Variants in IQSEC2 observed in about 807,000 individuals in gnomAD.
IQSEC2 encodes IQ motif and Sec7 domain ArfGEF 2, also known as IQ motif and SEC7 domain-containing protein 2.
In IQSEC2, 6 loss-of-function variants were observed where a neutral mutation model predicts 74.6. The ratio of observed to expected loss-of-function variants is 0.08; its 90% confidence interval spans 0.04 to 0.16. The LOEUF (loss-of-function observed/expected upper bound fraction) is 0.16, where lower values mean the gene tolerates loss of function less well. Among genes scored for constraint, IQSEC2 ranks in the 10% least tolerant of loss-of-function variants. IQSEC2 has a pLI of 1.00. For missense variants in IQSEC2, 734 were observed against 1,306.2 expected (o/e 0.56, Z 6.75); for synonymous variants, 494 against 544.5 (o/e 0.91, Z 1.29).
chrX:53,292,956 G>C (rs1206525627), intron 1 of IQSEC2, among the ~76,000 whole-genome samples: 2 of 111,756 alleles, frequency 1.8e-5, no homozygotes, highest in African/African-American at 6.5e-5. Context: ...CTTCACCTCA[G>C]GCCTCCCACC....
chrX:53,321,102 G>A lies in IQSEC2; in HGVS notation c.22C>T (p.Pro8Ser). The change falls in exon 1 of 15, where the codon CCG (proline) becomes TCG (serine). Residue 8 changes from proline (P) to serine (S), a missense_variant. Pro to Ser is a moderately conservative substitution (Grantham distance 74). Coordinates refer to ENST00000642864, the MANE Select transcript of IQSEC2 (RefSeq NM_001111125.3). ...GGGCTCTCGGATCCCGGGCCGCCCG[G>A]GGGCCCCGACCCCGCCTCCATCCTG... MEAGSGP[P>S]GGPGSESPNR... 1.7e-6 allele frequency: 2 copies of A among 1,148,680 alleles called. No individual in the cohort carries two copies. Among genetic ancestry groups the A allele is most frequent in the South Asian group, 3.8e-5 (2 of 52,446 alleles). 94.7% of individuals were successfully genotyped at this position (1,148,680 alleles called of 1,213,427 possible).
In IQSEC2 at chrX:53,235,203, G is replaced by T. The variant is rs782166410; in HGVS notation, c.3502-19C>A. On this transcript the variant is annotated intron_variant, in intron 14 of 14. Coordinates refer to ENST00000642864, the MANE Select transcript of IQSEC2 (RefSeq NM_001111125.3). ...CAGACCCCTGGAAGCGGGGAGGGGG[G>T]AAGTCAGGCCAGGCTAGATGCCCTA... 6.0e-6 allele frequency: 7 copies of T among 1,164,608 alleles called. No individual in the cohort carries two copies. The highest frequency in any genetic ancestry group is 1.1e-6 in the Non-Finnish European group (1 of 872,007).
intron 7 of IQSEC2, 145 bp downstream of exon 7, chrX:53,247,969 C>A: frequency 1.3e-6 from 1 of 744,341 alleles, no homozygotes; most frequent in South Asian, 2.5e-5. Flanking sequence ...ACCTCTGATC[C>A]TCACAATTGC....
At chrX:53,280,039 G>A (rs1223538709) in intron 2 of IQSEC2, among the ~76,000 whole-genome samples, 1 of 109,837 alleles carries the variant, frequency 9.1e-6, no homozygotes, top group Non-Finnish European at 1.9e-5. Context: ...GACAACAGGG[G>A]GCAGTAGAGA....
chrX:53,288,999 C>T lies in IQSEC2; in HGVS notation c.737+2896G>A, dbSNP rs17002620. ...CACCAACTGTTCAGCTCTAATTAGA[C>T]GCCACACTTCCTCTGGCACCCCATA... On this transcript the variant is annotated intron_variant, in intron 2 of 14. Transcript: ENST00000642864. Among the ~76,000 whole-genome samples the T allele has an allele frequency of 8.3e-3, 898 of 108,692 alleles. 15 individuals are homozygous for T. Among genetic ancestry groups the T allele is most frequent in the African/African-American group, 0.029 (852 of 29,792 alleles). 94.4% of individuals were successfully genotyped at this position (108,692 alleles called of 115,157 possible).
intron 14 of IQSEC2, 31 bp from the exon 15 acceptor site, chrX:53,235,215 G>A: frequency 8.6e-7 from 1 of 1,164,186 alleles, no homozygotes; most frequent in Non-Finnish European, 1.1e-6. Flanking sequence ...AGTCAGGCCA[G>A]GCTAGATGCC....
At chrX:53,282,087 A>C (rs145843545) in intron 2 of IQSEC2, among the ~76,000 whole-genome samples, 26 of 112,686 alleles carry the variant, frequency 2.3e-4, no homozygotes, top group East Asian at 1.4e-3. Flanking sequence ...GTGCAATTCA[A>C]ATCACCCATG....
intron 2 of IQSEC2, among the ~76,000 whole-genome samples, chrX:53,280,888 C>A (rs2074947942): frequency 8.9e-6 from 1 of 112,084 alleles, no homozygotes; most frequent in African/African-American, 3.3e-5. Context: ...CCCTGTCCCC[C>A]ACAAGCCCAC....
chrX:53,287,741 G>T (rs1351915795), intron 2 of IQSEC2, among the ~76,000 whole-genome samples: 1 of 112,601 alleles, frequency 8.9e-6, no homozygotes, highest in African/African-American at 3.2e-5. Flanking sequence ...GAGAAGGCAA[G>T]TTTATTTCGG....
chrX:53,241,733 G>A (rs2147048938), intron 10 of IQSEC2, 51 bp downstream of exon 10: 2 of 1,201,725 alleles, frequency 1.7e-6, no homozygotes, highest in Non-Finnish European at 2.3e-6. Flanking sequence ...ACCAGACTTA[G>A]GTGTCAAGCT....
At position 53,247,148 on chromosome X, in the gene IQSEC2, A is replaced by AG. The variant is rs376010215; in HGVS notation, c.2583-14dup. 3 of 1,204,398 alleles carry AG rather than the reference A, an allele frequency of 2.5e-6. No individual in the cohort carries two copies. In the African/African-American group the frequency reaches 5.3e-5, roughly 21 times the overall value. ...ACAGTACCGCTGGCTGCAGGGCAGG[A>AG]GGGGTCAAAGCCAGACTCAGGAACC... is the stretch of plus-strand genomic sequence containing the variant. On this transcript the variant is annotated splice_polypyrimidine_tract_variant and intron_variant, in intron 7 of 14. Transcript: ENST00000642864.
Position 53,241,902 on chromosome X carries a change from G to C in IQSEC2, c.2897C>G (p.Ser966Cys). The C allele has an allele frequency of 3.3e-6, 4 of 1,208,995 alleles. No homozygotes were observed. Among genetic ancestry groups the C allele is most frequent in the Non-Finnish European group, 4.5e-6 (4 of 894,166 alleles). The change falls in exon 10 of 15, where the codon TCT (serine) becomes TGT (cysteine). Residue 966 changes from serine to cysteine, a missense_variant. This residue lies in a region of IQSEC2 where 249 missense variants were observed against 467.9 expected (regional missense o/e 0.53). Transcript: ENST00000642864. ...GCAAACCAGTCGACGGTGAGGGAGA[G>C]ACAGGACCTAGACAGGCATGAAGAA... is the stretch of plus-strand genomic sequence containing the variant. ...RMIVGKKPVLSLPHRRLVCCC... is the reference protein window; with the variant it reads ...RMIVGKKPVLCLPHRRLVCCC...
At chrX:53,264,165 A>G (rs1020711718) in intron 2 of IQSEC2, among the ~76,000 whole-genome samples, 5 of 112,348 alleles carry the variant, frequency 4.5e-5, no homozygotes, top group Non-Finnish European at 7.5e-5. Flanking sequence ...CCTCACACTC[A>G]GAATTCCTCA....
chrX:53,228,328 C>T (rs782652049), downstream of IQSEC2, among the ~76,000 whole-genome samples: 59 of 111,949 alleles, frequency 5.3e-4, 1 homozygote, highest in African/African-American at 1.6e-3. Flanking sequence ...CTGTAAGAGT[C>T]TCAGATGGTG....
intron 2 of IQSEC2, chrX:53,279,498 G>C: frequency 1.5e-6 from 1 of 674,947 alleles, no homozygotes; most frequent in Non-Finnish European, 2.4e-6. Flanking sequence ...GGGAGGGGCT[G>C]GCAATGACAC....
downstream of IQSEC2, chrX:53,231,351 G>A (rs2074063578): frequency 8.9e-6 from 1 of 111,910 alleles, no homozygotes; most frequent in African/African-American, 3.3e-5. Flanking sequence ...AGTTTGGAAA[G>A]TACACAGAGG....
At chrX:53,312,329 TC>T (rs2075330201) in intron 1 of IQSEC2, among the ~76,000 whole-genome samples, 1 of 111,554 alleles carries the variant, frequency 9.0e-6, no homozygotes, top group African/African-American at 3.3e-5. Context: ...CCCCCTGTGC[TC>T]CCCTCTGGCA....
At chrX:53,302,934 G>T (rs1469751931) in intron 1 of IQSEC2, among the ~76,000 whole-genome samples, 2 of 111,447 alleles carry the variant, frequency 1.8e-5, no homozygotes, top group African/African-American at 6.5e-5. Flanking sequence ...TGGGCATGAT[G>T]GTGTGTGCCT....
rs189618679 is a variant in IQSEC2, at chrX:53,290,435, A to G, written c.737+1460T>C. On this transcript the variant is annotated intron_variant, in intron 2 of 14. Coordinates refer to ENST00000642864, the MANE Select transcript of IQSEC2 (RefSeq NM_001111125.3). ...ATGTTTTCAATCTTCTTCTTCAACA[A>G]GTAGCAGGCACATCACCGGGGATGC... Among the ~76,000 whole-genome samples, 238 of 112,211 alleles carry G rather than the reference A, an allele frequency of 2.1e-3. 2 individuals are homozygous for G. The highest frequency in any genetic ancestry group is 7.2e-3 in the African/African-American group (224 of 30,944).
Sources: gnomAD v4.1 joint callset for allele counts (sites outside exome capture counted in the v4.1 genomes callset) on GRCh38, gnomAD v4.1.1 for gene constraint, gnomAD v4.1.1 regional missense constraint, MANE v1.5 for transcripts, NCBI Gene and HGNC (gene_info 2026-07-23, HGNC 2026-07-21) for gene names.